The following PCNX2 variants were observed in gnomAD, a reference collection of about 807,000 sequenced individuals.
The protein encoded by PCNX2 is pecanex-like protein 2.
PCNX2 carries 168 observed loss-of-function variants against 223.8 expected under a neutral mutation model. The ratio of observed to expected loss-of-function variants is 0.75; its 90% confidence interval spans 0.66 to 0.85. PCNX2 has a LOEUF of 0.85. PCNX2 is among the 40% of genes least tolerant of loss of function. The pLI, the probability that PCNX2 is intolerant of heterozygous loss-of-function variation, is 0.00. For missense variants in PCNX2, 2,507 were observed against 2,675.5 expected, an observed-to-expected ratio of 0.94 and a Z score of 1.39; for synonymous variants, 1,006 against 1,052.6, an observed-to-expected ratio of 0.96 and a Z score of 0.86.
At chr1:233,019,061 A>G (rs996004032) in intron 26 of PCNX2, 1 of 985,146 alleles carries the variant, frequency 1.0e-6, no homozygotes, top group Non-Finnish European at 1.2e-6. Flanking sequence ...CAAGGCCTCA[A>G]GTTTACTTGG....
intron 21 of PCNX2, among the ~76,000 whole-genome samples, chr1:233,128,637 C>G (rs1041203152): frequency 3.9e-5 from 6 of 152,160 alleles, no homozygotes; most frequent in African/African-American, 9.7e-5. Context: ...GCCCGGCCAA[C>G]TATGGTTTTT....
At chr1:233,140,657 G>A (rs557721877) in intron 19 of PCNX2, among the ~76,000 whole-genome samples, 2 of 152,196 alleles carry the variant, frequency 1.3e-5, no homozygotes, top group South Asian at 2.1e-4. Context: ...TGGGGAGCCC[G>A]TGCTTTTCTC....
chr1:233,284,848 G>C (rs1045003650), intron 1 of PCNX2, among the ~76,000 whole-genome samples: 1 of 152,052 alleles, frequency 6.6e-6, no homozygotes, highest in Admixed American at 6.5e-5. Context: ...GGAGCCTCCA[G>C]AGCCACAGCA....
intron 8 of PCNX2, among the ~76,000 whole-genome samples, chr1:233,248,140 T>G (rs1202153601): frequency 6.6e-6 from 1 of 152,138 alleles, no homozygotes; most frequent in Non-Finnish European, 1.5e-5. Context: ...ACTTGAACAT[T>G]TTTCTCTTTA....
chr1:233,018,674 G>A (rs1036314810), intron 26 of PCNX2: 4 of 752,864 alleles, frequency 5.3e-6, no homozygotes, highest in Admixed American at 1.2e-4. Flanking sequence ...CCCTGCCAGC[G>A]TGCACCGCAG....
At chr1:233,283,832 A>C (rs1661312260) in intron 1 of PCNX2, among the ~76,000 whole-genome samples, 1 of 152,222 alleles carries the variant, frequency 6.6e-6, no homozygotes, top group African/African-American at 2.4e-5. Context: ...TATTGGGTGA[A>C]AGACTTTTGG....
intron 8 of PCNX2, among the ~76,000 whole-genome samples, chr1:233,243,344 G>A (rs182395902): frequency 1.5e-4 from 23 of 152,280 alleles, no homozygotes; most frequent in African/African-American, 5.5e-4. Flanking sequence ...GTCACCTTAT[G>A]GGGAAAAGGC....
intron 12 of PCNX2, among the ~76,000 whole-genome samples, chr1:233,214,617 G>A (rs541874663): frequency 2.0e-5 from 3 of 152,234 alleles, no homozygotes; most frequent in African/African-American, 4.8e-5. Flanking sequence ...TGCTTTCTGG[G>A]TTATTAGTGG....
At position 233,250,783 on chromosome 1, in the gene PCNX2, AG is replaced by A; in HGVS notation, c.2177del (p.Pro726LeufsTer49). On this transcript the variant is annotated frameshift_variant, in exon 8 of 34. Coordinates refer to ENST00000258229, the MANE Select transcript of PCNX2 (RefSeq NM_014801.4). LOFTEE classifies it high-confidence loss of function. Reference sequence around the variant, plus strand: ...CATTATTTGATGGTAGAGGCTGTAAAGGGCCTTCTTTCTGATTTCCAGATTT... The same window carrying A: ...CATTATTTGATGGTAGAGGCTGTAAAGGCCTTCTTTCTGATTTCCAGATTT... ...YLKSGNQKEG[P>X]LQPLPSNNDC... is the part of the protein sequence containing the mutation. 1 of 1,607,046 alleles carries A rather than the reference AG, an allele frequency of 6.2e-7. No homozygotes were observed. The highest frequency in any genetic ancestry group is 8.5e-7 in the Non-Finnish European group (1 of 1,176,652).
rs1676999579 is a variant in PCNX2 at position 233,139,724 on chromosome 1, G to C, written c.3649C>G (p.Leu1217Val). The change falls in exon 20 of 34, where the codon CTT (leucine) becomes GTT (valine). Residue 1217 changes from leucine (L) to valine (V), a missense_variant. Physicochemically the swap from Leu to Val is conservative, Grantham distance 32. Coordinates refer to ENST00000258229, the MANE Select transcript of PCNX2 (RefSeq NM_014801.4). This position sits in a 1 kb window ranked among gnomAD's most constrained non-coding sequence, Gnocchi z 4.4. The part of the protein sequence containing the change: ...DAFLISNHRR[L>V]GTHWDIFLMI... The stretch of plus-strand genomic sequence containing the variant: ...CCATTAACCACTTACTGGGTACCAA[G>C]TCTCCGGTGATTGCTTATTAAAAAT... 6.2e-7 allele frequency: 1 copy of C among 1,602,326 alleles called. No individual in the cohort carries two copies. The highest frequency in any genetic ancestry group is 8.5e-7 in the Non-Finnish European group (1 of 1,173,752).
chr1:233,276,088 T>C (rs2103014968), intron 1 of PCNX2, among the ~76,000 whole-genome samples: 1 of 152,192 alleles, frequency 6.6e-6, no homozygotes, highest in East Asian at 1.9e-4. Flanking sequence ...TCAACAAATC[T>C]TTGAATAAAC....
chr1:233,015,085 C>T (rs1248947531), intron 27 of PCNX2, among the ~76,000 whole-genome samples: 1 of 152,156 alleles, frequency 6.6e-6, no homozygotes, highest in Non-Finnish European at 1.5e-5. Context: ...GCAGTGATTA[C>T]AGTCAAATGG....
At chr1:233,114,323 G>A (rs1381661316) in intron 21 of PCNX2, among the ~76,000 whole-genome samples, 3 of 152,176 alleles carry the variant, frequency 2.0e-5, no homozygotes, top group African/African-American at 2.4e-5. Flanking sequence ...GAAACAGAGC[G>A]TGGAGTCTCC....
At chr1:233,018,718 C>T in intron 26 of PCNX2, 1 of 973,568 alleles carries the variant, frequency 1.0e-6, no homozygotes, top group Non-Finnish European at 1.2e-6. Context: ...GGTGGTGCTC[C>T]AGGCTATTGA....
At chr1:233,279,693 T>G (rs1408806659) in intron 1 of PCNX2, among the ~76,000 whole-genome samples, 1 of 152,174 alleles carries the variant, frequency 6.6e-6, no homozygotes, top group Non-Finnish European at 1.5e-5. Context: ...TATAACATGA[T>G]TTATTATTTT....
At chr1:233,009,668 T>C (rs1048812325) in intron 28 of PCNX2, among the ~76,000 whole-genome samples, 23 of 152,184 alleles carry the variant, frequency 1.5e-4, no homozygotes, top group African/African-American at 4.8e-4. Context: ...ACTCAGCAGC[T>C]TGTTGAAAAT....
chr1:233,035,490 G>A (rs1211246431), intron 25 of PCNX2, among the ~76,000 whole-genome samples: 2 of 152,204 alleles, frequency 1.3e-5, no homozygotes, highest in Non-Finnish European at 2.9e-5. Flanking sequence ...GCCAGGCACT[G>A]AGCTGGCGTT....
intron 19 of PCNX2, among the ~76,000 whole-genome samples, chr1:233,145,569 A>C (rs572108912): frequency 4.6e-5 from 7 of 151,842 alleles, no homozygotes; most frequent in Admixed American, 1.3e-4. Flanking sequence ...AGAAATTCCT[A>C]ATCTGTTTAC....
At chr1:232,994,828 A>T (rs1366649671) in intron 32 of PCNX2, among the ~76,000 whole-genome samples, 1 of 152,148 alleles carries the variant, frequency 6.6e-6, no homozygotes, top group Non-Finnish European at 1.5e-5. Context: ...TCCTGCCACC[A>T]TGTAAGATGT....
Sources: allele counts gnomAD v4.1 joint callset (sites outside exome capture counted in the v4.1 genomes callset), GRCh38; gene constraint gnomAD v4.1.1; non-coding constraint Gnocchi (gnomAD v3.1); transcripts MANE v1.5; gene names NCBI Gene and HGNC (gene_info 2026-07-23, HGNC 2026-07-21).